Variants in BRD4 observed in about 807,000 individuals in gnomAD.
BRD4 encodes the protein bromodomain containing 4.
In BRD4, 16 loss-of-function variants were observed where a neutral mutation model predicts 142.1. The ratio of observed to expected loss-of-function variants is 0.11; its 90% CI spans 0.08 to 0.17. BRD4 has a LOEUF of 0.17. BRD4 is among the 10% of genes least tolerant of loss of function. BRD4 has a pLI of 1.00. For synonymous variants in BRD4, 833 were observed against 707.5 expected (o/e 1.18, Z -2.82); for missense variants, 1,424 against 1,810.9 (o/e 0.79, Z 3.88).
intron 2 of BRD4, among the ~76,000 whole-genome samples, chr19:15,272,579 A>G (rs2047600305): frequency 6.6e-6 from 1 of 152,076 alleles, no homozygotes; most frequent in African/African-American, 2.4e-5. Flanking sequence ...CCTCTACACA[A>G]TTTTCCCCAG....
intron 1 of BRD4, among the ~76,000 whole-genome samples, chr19:15,289,741 G>A (rs2047767596): frequency 6.6e-6 from 1 of 151,884 alleles, no homozygotes; most frequent in Non-Finnish European, 1.5e-5. Flanking sequence ...GAAACCAGGA[G>A]AATGGAAGCT....
chr19:15,288,176 G>T (rs1211787824), intron 1 of BRD4, among the ~76,000 whole-genome samples: 2 of 152,176 alleles, frequency 1.3e-5, no homozygotes, highest in Non-Finnish European at 2.9e-5. Flanking sequence ...ACTGTGTATA[G>T]GGCTGCTATG....
At chr19:15,303,400 C>T (rs1268959224) in intron 1 of BRD4, among the ~76,000 whole-genome samples, 2 of 151,918 alleles carry the variant, frequency 1.3e-5, no homozygotes, top group South Asian at 2.1e-4. Flanking sequence ...TTTGCCTATG[C>T]GGGGATGGGG....
chr19:15,263,588 A>G (rs1429944144), intron 6 of BRD4, 40 bp from the exon 7 acceptor site: 3 of 1,608,248 alleles, frequency 1.9e-6, no homozygotes, highest in Non-Finnish European at 2.6e-6. Context: ...GTGTCTGCCC[A>G]TGTGACCATG....
chr19:15,308,716 T>C (rs1044458885), intron 1 of BRD4, among the ~76,000 whole-genome samples: 5 of 150,548 alleles, frequency 3.3e-5, no homozygotes, highest in African/African-American at 9.8e-5. Flanking sequence ...CTGAAACTCC[T>C]TAAACTTTAA....
At chr19:15,306,366 T>G (rs1162837159) in intron 1 of BRD4, among the ~76,000 whole-genome samples, 1 of 152,128 alleles carries the variant, frequency 6.6e-6, no homozygotes, top group African/African-American at 2.4e-5. Flanking sequence ...CCTCCTAGGC[T>G]CAAGCAATCC....
chr19:15,248,958 TG>T, intron 11 of BRD4: 1 of 481,914 alleles, frequency 2.1e-6, no homozygotes, highest in South Asian at 2.5e-5. Flanking sequence ...ATGCATGTGT[TG>T]GGGATTGTCA....
intron 11 of BRD4, among the ~76,000 whole-genome samples, chr19:15,245,814 G>A (rs1346456627): frequency 6.6e-6 from 1 of 152,220 alleles, no homozygotes; most frequent in Non-Finnish European, 1.5e-5. Context: ...GCACCTCATG[G>A]CACTGCCTGG....
At chr19:15,246,199 G>A (rs551455427) in intron 11 of BRD4, among the ~76,000 whole-genome samples, 160 of 152,344 alleles carry the variant, frequency 1.1e-3, no homozygotes, top group African/African-American at 3.6e-3. Context: ...GAGAGATACT[G>A]TTGTGGGTGA....
In BRD4 at chr19:15,237,853, CAA is replaced by C. The variant is rs2047205920; in HGVS notation, c.*522_*523del. The C allele has an allele frequency of 8.5e-6, 2 of 236,212 alleles. No homozygotes were observed. Among genetic ancestry groups the C allele is most frequent in the African/African-American group, 4.4e-5 (2 of 45,082 alleles). 14.6% of individuals were successfully genotyped at this position (236,212 alleles called of 1,614,324 possible). On this transcript the variant is annotated 3_prime_UTR_variant, in exon 20 of 20. Transcript: ENST00000679869. ...GGAGGGTCGGGGGGTCTGTTCAAGGCAAAGTCAGTGCCAGCGAGGGGGTGGGC... is the reference window on the plus strand; with the variant it reads ...GGAGGGTCGGGGGGTCTGTTCAAGGCAGTCAGTGCCAGCGAGGGGGTGGGC...
rs1295867902 is a variant in BRD4, at chr19:15,244,547, C to T, written c.2265G>A (p.Gln755=). The T allele has an allele frequency of 6.3e-7, 1 of 1,596,384 alleles. No individual in the cohort carries two copies. ...QMQQAPAPVP[Q]QPPPPPQQPP... Reference sequence around the variant, plus strand: ...GCTGCTGGGGAGGCGGGGGCGGCTGCTGGGGCACAGGAGCCGGGGCCTGCT... The same window carrying T: ...GCTGCTGGGGAGGCGGGGGCGGCTGTTGGGGCACAGGAGCCGGGGCCTGCT... The change falls in exon 13 of 20, where the codon CAG becomes CAA. Residue 755 remains glutamine (Q), a synonymous_variant. Transcript: ENST00000679869.
intron 1 of BRD4, among the ~76,000 whole-genome samples, chr19:15,316,198 T>C (rs1327607207): frequency 1.5e-5 from 2 of 130,356 alleles, no homozygotes; most frequent in East Asian, 4.9e-4. Context: ...AAGCTCACCA[T>C]AATCCTGAAA....
intron 1 of BRD4, among the ~76,000 whole-genome samples, chr19:15,306,874 T>A (rs2047918771): frequency 6.6e-6 from 1 of 152,180 alleles, no homozygotes; most frequent in Non-Finnish European, 1.5e-5. Context: ...TCTGAAACGT[T>A]GGTCACATTA....
chr19:15,324,326 A>G (rs969453438), intron 1 of BRD4, among the ~76,000 whole-genome samples: 2 of 152,220 alleles, frequency 1.3e-5, no homozygotes, highest in Non-Finnish European at 2.9e-5. Context: ...TATGTGACCA[A>G]CCTCTAAAGA....
At chr19:15,244,167 C>T in intron 13 of BRD4, 64 bp downstream of exon 13, 1 of 1,534,564 alleles carries the variant, frequency 6.5e-7, no homozygotes, top group Non-Finnish European at 8.7e-7. Flanking sequence ...AGTGCTCGGA[C>T]ACCACATGGG....
intron 1 of BRD4, among the ~76,000 whole-genome samples, chr19:15,296,933 A>C (rs1055897496): frequency 2.0e-5 from 3 of 149,780 alleles, no homozygotes; most frequent in Non-Finnish European, 3.0e-5. Context: ...AGCCCCCCCC[A>C]CCAACAGCCA....
rs1167968852 is a variant in BRD4 at position 15,238,460 on chromosome 19, A to AAGG, written c.4021-18_4021-16dup. 8 of 1,614,058 alleles carry AAGG rather than the reference A, an allele frequency of 5.0e-6. No homozygotes were observed. Among genetic ancestry groups the AAGG allele is most frequent in the Non-Finnish European group, 6.8e-6 (8 of 1,179,984 alleles). On this transcript the variant is annotated splice_polypyrimidine_tract_variant and intron_variant, in intron 19 of 19. Transcript: ENST00000679869. This position sits in a 1 kb window ranked among gnomAD's most constrained non-coding sequence, Gnocchi z 7.2. ...GTAGCTGCCATCTGGAGGAGAAAGG[A>AAGG]AGGAGGGAGTCAGGAGGATGACCTA...
rs1011650837 is a variant in BRD4 at position 15,265,654 on chromosome 19, T to C, written c.560-11A>G. 1.9e-6 allele frequency: 3 copies of C among 1,614,050 alleles called. No individual in the cohort carries two copies. The highest frequency in any genetic ancestry group is 2.5e-6 in the Non-Finnish European group (3 of 1,179,968). ...CAGGTTTTGCTGTCCCTACAAATCA[T>C]AATAAGACGGCGAGTTAGAGACCAT... On this transcript the variant is annotated splice_polypyrimidine_tract_variant and intron_variant, in intron 4 of 19. Transcript: ENST00000679869.
chr19:15,332,226 C>G (rs902305087), intron 1 of BRD4, 64 bp downstream of exon 1: 7 of 147,192 alleles, frequency 4.8e-5, no homozygotes, highest in African/African-American at 1.2e-4. Flanking sequence ...TTACGCGGAC[C>G]GCGCCGCGAG....
Sources: gnomAD v4.1 joint callset for allele counts (sites outside exome capture counted in the v4.1 genomes callset) on GRCh38, gnomAD v4.1.1 for gene constraint, Gnocchi (gnomAD v3.1) non-coding constraint, MANE v1.5 for transcripts, NCBI Gene and HGNC (gene_info 2026-07-23, HGNC 2026-07-21) for gene names.